Variants in EIF3I observed in about 807,000 individuals in gnomAD.
EIF3I encodes eukaryotic translation initiation factor 3 subunit I.
In EIF3I, 20 loss-of-function variants were observed where a neutral mutation model predicts 43.3. The ratio of observed to expected loss-of-function variants is 0.46; its 90% CI spans 0.32 to 0.67. EIF3I has a LOEUF of 0.67. EIF3I is among the 30% of genes least tolerant of loss of function. The pLI is 0.03. For synonymous variants in EIF3I, 167 were observed against 151.7 expected (o/e 1.10, Z -0.74); for missense variants, 279 against 421.4 (o/e 0.66, Z 2.96).
downstream of EIF3I, chr1:32,235,317 G>T (rs146959899): frequency 6.6e-6 from 1 of 152,280 alleles, no homozygotes; most frequent in South Asian, 2.1e-4. Flanking sequence ...ACAGCGTCTC[G>T]TTCTGTCCAT....
At chr1:32,226,062 T>G in intron 4 of EIF3I, 109 bp from the exon 5 acceptor site, 1 of 1,373,824 alleles carries the variant, frequency 7.3e-7, no homozygotes, top group Non-Finnish European at 9.9e-7. Flanking sequence ...ACTTTTTAAG[T>G]TTGGGTCACT....
At chr1:32,227,730 G>A (rs1309805589) in intron 6 of EIF3I, among the ~76,000 whole-genome samples, 2 of 152,138 alleles carry the variant, frequency 1.3e-5, no homozygotes, top group Non-Finnish European at 2.9e-5. Context: ...AGCCATGATT[G>A]TGCCACTGTA....
At chr1:32,225,527 G>C (rs1639129431) in intron 4 of EIF3I, among the ~76,000 whole-genome samples, 1 of 151,378 alleles carries the variant, frequency 6.6e-6, no homozygotes, top group Non-Finnish European at 1.5e-5. Context: ...TGGATCACCT[G>C]AGGTCAGGAG....
At chr1:32,229,304 A>G (rs1639196431) in intron 9 of EIF3I, 96 bp downstream of exon 9, 6 of 1,325,386 alleles carry the variant, frequency 4.5e-6, no homozygotes, top group African/African-American at 2.9e-5. Flanking sequence ...TCTGTCGCCT[A>G]GGCTGGAGCG....
At chr1:32,226,239 A>G (rs778024392) in exon 5 of EIF3I, 3 of 1,614,082 alleles carry the variant, frequency 1.9e-6, no homozygotes, top group Non-Finnish European at 2.5e-6. Context: ...TGGGGGCAAC[A>G]TCATCATGTT....
chr1:32,232,987 TTTAC>T (rs144881955), downstream of EIF3I, among the ~76,000 whole-genome samples: 15 of 152,212 alleles, frequency 9.9e-5, no homozygotes, highest in South Asian at 2.1e-4. Flanking sequence ...ACTTCTTTTA[TTTAC>T]TTATTTATTT....
chr1:32,231,429 T>C (rs745401057), downstream of EIF3I: 3 of 445,610 alleles, frequency 6.7e-6, no homozygotes, highest in Non-Finnish European at 1.2e-5. Flanking sequence ...AGGCAGAGGT[T>C]GCAGTGAGCT....
intron 4 of EIF3I, among the ~76,000 whole-genome samples, 195 bp downstream of exon 4, chr1:32,224,670 T>C (rs1457284254): frequency 2.6e-5 from 4 of 151,414 alleles, no homozygotes; most frequent in Non-Finnish European, 5.9e-5. Context: ...TTTTTTTTTT[T>C]TTTTTCTTTT....
chr1:32,232,997 T>A (rs1010378565), downstream of EIF3I, among the ~76,000 whole-genome samples: 2 of 152,092 alleles, frequency 1.3e-5, no homozygotes, highest in African/African-American at 4.8e-5. Context: ...TTTACTTATT[T>A]ATTTATTTAT....
chr1:32,229,955 T>C (rs928632410), intron 9 of EIF3I, among the ~76,000 whole-genome samples: 3 of 152,230 alleles, frequency 2.0e-5, no homozygotes, highest in Non-Finnish European at 4.4e-5. Flanking sequence ...TTAATATTTA[T>C]TAAGCTCTTT....
At chr1:32,226,451 C>G in exon 6 of EIF3I, 3 of 1,603,382 alleles carry the variant, frequency 1.9e-6, no homozygotes, top group Non-Finnish European at 2.6e-6. Flanking sequence ...TCTAAAATCA[C>G]CAGTGCTGTT....
Position 32,231,077 on chromosome 1 carries a change from A to C in EIF3I, c.1008-38A>C, listed in dbSNP as rs199625458. 4.7e-4 allele frequency: 755 copies of C among 1,613,832 alleles called. 11 individuals are homozygous for C. In the South Asian group the frequency reaches 7.8e-3, roughly 17 times the overall value. ...TGGGTTGGGTCTCTGCCTTTCCCAG[A>C]GTAAGCACCTGACTGGTGCCTGGCT... is the stretch of plus-strand genomic sequence containing the variant. On this transcript the variant is annotated intron_variant, in intron 11 of 11. Transcript: ENST00000676679.
chr1:32,225,102 G>A (rs540255711), intron 4 of EIF3I, among the ~76,000 whole-genome samples: 1 of 152,184 alleles, frequency 6.6e-6, no homozygotes, highest in Non-Finnish European at 1.5e-5. Context: ...CCAAAGTGCT[G>A]GGATTACAGG....
In EIF3I at chr1:32,228,432, G is replaced by A. The variant is rs986067104; in HGVS notation, c.529-67G>A. 200 of 1,355,276 alleles carry A rather than the reference G, an allele frequency of 1.5e-4. No individual in the cohort carries two copies. The highest frequency in any genetic ancestry group is 2.0e-4 in the Non-Finnish European group (191 of 946,470). 84.0% of individuals were successfully genotyped at this position (1,355,276 alleles called of 1,614,324 possible). On this transcript the variant is annotated intron_variant, in intron 6 of 11. Transcript: ENST00000676679. ...TGTCTCAGCTTTCATTTGGGTGCTT[G>A]GGTTTCTGGGGAGCTGAGATTAGTA...
chr1:32,235,430 A>C (rs1639287972), downstream of EIF3I, among the ~76,000 whole-genome samples: 1 of 150,974 alleles, frequency 6.6e-6, no homozygotes, highest in Non-Finnish European at 1.5e-5. Flanking sequence ...TCCCGGGTTT[A>C]AGTGATTCTT....
At chr1:32,229,233 A>G (rs368956795) in intron 9 of EIF3I, 25 bp downstream of exon 9, 1 of 1,607,152 alleles carries the variant, frequency 6.2e-7, no homozygotes, top group Non-Finnish European at 8.5e-7. Context: ...AGCTCTTCCA[A>G]ATTAAAATCT....
intron 6 of EIF3I, among the ~76,000 whole-genome samples, chr1:32,227,288 A>G (rs1014583188): frequency 6.6e-6 from 1 of 151,110 alleles, no homozygotes; most frequent in African/African-American, 2.4e-5. Context: ...AAAAAAAAAA[A>G]AAAAAAAAAA....
intron 4 of EIF3I, among the ~76,000 whole-genome samples, chr1:32,225,197 A>G (rs1017718319): frequency 6.6e-6 from 1 of 151,906 alleles, no homozygotes; most frequent in Non-Finnish European, 1.5e-5. Context: ...GCTGGTCTCG[A>G]ACTCCTCAGC....
At position 32,229,043 on chromosome 1, in the gene EIF3I, G is replaced by C. The variant is rs140552630; in HGVS notation, c.730-92G>C. The C allele has an allele frequency of 2.7e-4, 369 of 1,363,358 alleles. No homozygotes were observed. In the African/African-American group the frequency reaches 4.9e-3, roughly 18 times the overall value. 84.5% of individuals were successfully genotyped at this position (1,363,358 alleles called of 1,614,324 possible). ...ACCTTTGGTATCCTCCCATTGAGCC[G>C]TGTGAGATGTTAAAAATGTATATGG... On this transcript the variant is annotated intron_variant, in intron 8 of 11. Transcript: ENST00000676679.
Sources: allele counts gnomAD v4.1 joint callset (sites outside exome capture counted in the v4.1 genomes callset), GRCh38; gene constraint gnomAD v4.1.1; transcripts MANE v1.5; gene names NCBI Gene and HGNC (gene_info 2026-07-23, HGNC 2026-07-21).